Variants in LIN54 observed in about 807,000 individuals in gnomAD.
The protein encoded by LIN54 is lin-54 DREAM MuvB core complex component.
In LIN54, 9 loss-of-function variants were observed where a neutral mutation model predicts 78.7. The ratio of observed to expected loss-of-function variants is 0.11; its 90% CI spans 0.07 to 0.20. The LOEUF (loss-of-function observed/expected upper bound fraction) is 0.20. LIN54 is among the 10% of genes least tolerant of loss of function. The pLI is 1.00. For synonymous variants in LIN54, 269 were observed against 318.4 expected, an observed-to-expected ratio of 0.84 and a Z score of 1.65; for missense variants, 573 against 889.9, an observed-to-expected ratio of 0.64 and a Z score of 4.53.
At chr4:82,975,509 G>A (rs181762686) in intron 3 of LIN54, among the ~76,000 whole-genome samples, 7 of 150,050 alleles carry the variant, frequency 4.7e-5, no homozygotes, top group African/African-American at 9.8e-5. Flanking sequence ...TTAGGAGTTC[G>A]AGACCAGCCT....
chr4:82,982,083 C>G (rs1726714948), intron 2 of LIN54, among the ~76,000 whole-genome samples: 2 of 151,836 alleles, frequency 1.3e-5, no homozygotes, highest in Admixed American at 6.6e-5. Context: ...GAATTAGACC[C>G]CAGTCTTTTT....
intron 2 of LIN54, among the ~76,000 whole-genome samples, chr4:82,980,547 G>A (rs1335035962): frequency 7.6e-6 from 1 of 131,320 alleles, no homozygotes; most frequent in Non-Finnish European, 1.6e-5. Flanking sequence ...AAAACCAACT[G>A]TATATAAAAT....
At chr4:82,932,897 T>C (rs979788931) in intron 11 of LIN54, among the ~76,000 whole-genome samples, 7 of 152,150 alleles carry the variant, frequency 4.6e-5, no homozygotes, top group African/African-American at 1.4e-4. Context: ...TTAATGTATA[T>C]TTCCCTGATT....
At chr4:82,953,864 T>C (rs1050553223) in intron 4 of LIN54, among the ~76,000 whole-genome samples, 1 of 152,034 alleles carries the variant, frequency 6.6e-6, no homozygotes, top group African/African-American at 2.4e-5. Flanking sequence ...TGTCTCAGCC[T>C]GGGAGGTGAA....
At chr4:82,998,722 T>C (rs1728478464) in intron 1 of LIN54, among the ~76,000 whole-genome samples, 1 of 151,988 alleles carries the variant, frequency 6.6e-6, no homozygotes, top group South Asian at 2.1e-4. Context: ...TTTCCATAAA[T>C]ATATTAAATA....
intron 11 of LIN54, 68 bp from the exon 12 acceptor site, chr4:82,931,213 A>G: frequency 8.8e-7 from 1 of 1,136,318 alleles, no homozygotes; most frequent in Non-Finnish European, 1.3e-6. Flanking sequence ...TAGATGCCAC[A>G]ATCAAATCAA....
chr4:82,990,144 C>G (rs1182831467), intron 1 of LIN54, among the ~76,000 whole-genome samples: 8 of 152,182 alleles, frequency 5.3e-5, no homozygotes, highest in Non-Finnish European at 1.2e-4. Context: ...CCCAAGAGGC[C>G]CTCATCCTTC....
chr4:82,987,893 C>T (rs1363390707), intron 1 of LIN54, among the ~76,000 whole-genome samples: 1 of 152,216 alleles, frequency 6.6e-6, no homozygotes, highest in Non-Finnish European at 1.5e-5. Flanking sequence ...TGGGTACATA[C>T]CCAGTAATGG....
chr4:82,998,124 A>G (rs1728399082), intron 1 of LIN54, among the ~76,000 whole-genome samples: 1 of 151,344 alleles, frequency 6.6e-6, no homozygotes, highest in Non-Finnish European at 1.5e-5. Context: ...ACTATTGCAG[A>G]AACACTGTTC....
intron 1 of LIN54, among the ~76,000 whole-genome samples, chr4:83,005,922 C>T (rs540621899): frequency 5.5e-4 from 83 of 152,224 alleles, no homozygotes; most frequent in South Asian, 1.9e-3. Flanking sequence ...AAATGTGGTA[C>T]ATATACACTA....
At chr4:82,947,303 G>T (rs1210534058) in intron 4 of LIN54, among the ~76,000 whole-genome samples, 1 of 134,542 alleles carries the variant, frequency 7.4e-6, no homozygotes, top group Non-Finnish European at 1.5e-5. Flanking sequence ...TGCAATAACG[G>T]CTCACTGCAG....
In LIN54 at chr4:82,981,862, T is replaced by C. The variant is rs139163939; in HGVS notation, c.684+2299A>G. Among the ~76,000 whole-genome samples, 134 of 152,044 alleles carry C rather than the reference T, an allele frequency of 8.8e-4. 4 individuals carry two copies. In the East Asian group the frequency reaches 0.024, roughly 27 times the overall value. ...GCCTGGGCTACATGGCAAAGCCCCA[T>C]CTCTACAAAAAAAATACAAAAATTG... On this transcript the variant is annotated intron_variant, in intron 2 of 12. Transcript: ENST00000340417.
intron 1 of LIN54, chr4:83,003,519 A>C (rs1729041642): frequency 6.6e-6 from 1 of 152,076 alleles, no homozygotes; most frequent in African/African-American, 2.4e-5. Context: ...CATGAAAAAA[A>C]CAAATTAAAA....
rs774850580 is a variant in LIN54, at chr4:82,984,412, A to G, written c.433T>C (p.Leu145=). Residue 145 remains leucine, a synonymous_variant, in exon 2 of 13, where the codon TTG becomes CTG. Transcript: ENST00000340417. ...ACAATTGGTGAACCAGACTTGCCCA[A>G]AGTTGTTAAAATTAACTTCTGTCCA... is the stretch of plus-strand genomic sequence containing the variant. The part of the protein sequence containing the change: ...PDGQKLILTT[L]GKSGSPIVLA... The G allele has an allele frequency of 1.9e-5, 31 of 1,614,218 alleles. No homozygotes were observed. The South Asian group carries it at 2.3e-4, about 12-fold the overall frequency.
Position 82,984,833 on chromosome 4 carries a change from C to T in LIN54, c.12G>A (p.Val4=), listed in dbSNP as rs779866172. ...GAAGCAAACTATTCACCTCAGCTGGCACCACCTCCATGATCGTTCTCCCGC... is the reference window on the plus strand; with the variant it reads ...GAAGCAAACTATTCACCTCAGCTGGTACCACCTCCATGATCGTTCTCCCGC... MEV[V]PAEVNSLLPE... is the part of the protein sequence containing the mutation. Residue 4 remains valine (V), a synonymous_variant, in exon 2 of 13, where the codon GTG becomes GTA. Coordinates refer to ENST00000340417, the MANE Select transcript of LIN54 (RefSeq NM_194282.4). The T allele has an allele frequency of 1.9e-6, 3 of 1,608,218 alleles. No individual in the cohort carries two copies. Among genetic ancestry groups the T allele is most frequent in the African/African-American group, 2.7e-5 (2 of 74,838 alleles).
At chr4:82,941,827 C>T (rs112965954) in intron 5 of LIN54, among the ~76,000 whole-genome samples, 3,019 of 152,220 alleles carry the variant, frequency 0.02, 103 homozygotes, top group African/African-American at 0.068. Context: ...GAACTAAAAA[C>T]TCAAGGATGA....
chr4:82,999,991 C>T (rs1334269496), intron 1 of LIN54, among the ~76,000 whole-genome samples: 1 of 152,042 alleles, frequency 6.6e-6, no homozygotes, highest in Non-Finnish European at 1.5e-5. Flanking sequence ...CTCCTGGGCT[C>T]AAGTGATCCT....
At chr4:82,963,055 A>G (rs1299476866) in intron 4 of LIN54, among the ~76,000 whole-genome samples, 1 of 152,090 alleles carries the variant, frequency 6.6e-6, no homozygotes, top group Non-Finnish European at 1.5e-5. Context: ...TTAGACACAC[A>G]ATAGTCCAAA....
chr4:82,961,472 A>T (rs1724788454), intron 4 of LIN54, among the ~76,000 whole-genome samples: 1 of 152,206 alleles, frequency 6.6e-6, no homozygotes, highest in South Asian at 2.1e-4. Flanking sequence ...GTGACGGTTC[A>T]TTACCTACCA....
Sources: gnomAD v4.1 joint callset for allele counts (sites outside exome capture counted in the v4.1 genomes callset) on GRCh38, gnomAD v4.1.1 for gene constraint, MANE v1.5 for transcripts, NCBI Gene and HGNC (gene_info 2026-07-23, HGNC 2026-07-21) for gene names.